Variants in STK31 observed in about 807,000 individuals in gnomAD.
STK31 encodes the protein serine/threonine-protein kinase 31.
In STK31, 89 loss-of-function variants were observed where a neutral mutation model predicts 129.7. That is an observed-to-expected ratio of 0.69 (90% CI 0.58 to 0.82). STK31 has a LOEUF of 0.82. STK31 is among the 40% of genes least tolerant of loss of function. The pLI is 0.00. For missense variants in STK31, 1,187 were observed against 1,176.4 expected (o/e 1.01, Z -0.13); for synonymous variants, 448 against 395.3 (o/e 1.13, Z -1.58).
At chr7:23,738,746 G>C (rs10252515) in intron 8 of STK31, among the ~76,000 whole-genome samples, 15,638 of 152,000 alleles carry the variant, frequency 0.1, 1,130 homozygotes, top group African/African-American at 0.2. Context: ...AGTAGAGACG[G>C]GGTTTCACCA....
rs763801418 is a variant in STK31 at position 23,752,884 on chromosome 7, A to G, written c.1133+52A>G. On this transcript the variant is annotated intron_variant, in intron 9 of 23. Coordinates refer to ENST00000355870, the MANE Select transcript of STK31 (RefSeq NM_031414.5). Reference sequence around the variant, plus strand: ...GATATTTTAAACTAATTTTTAATCAATTGGTGCTTTGTTTAAATTGTGTGC... The same window carrying G: ...GATATTTTAAACTAATTTTTAATCAGTTGGTGCTTTGTTTAAATTGTGTGC... The G allele has an allele frequency of 1.1e-5, 14 of 1,225,566 alleles. No homozygotes were observed. The African/African-American group carries it at 1.8e-4, about 16-fold the overall frequency. The allele number at this position is 1,225,566 out of a possible 1,614,324, so 75.9% of individuals were successfully genotyped here.
chr7:23,774,270 G>C (rs1372274233), intron 15 of STK31, among the ~76,000 whole-genome samples: 6 of 152,182 alleles, frequency 3.9e-5, no homozygotes, highest in Non-Finnish European at 8.8e-5. Flanking sequence ...ATAGTAGCAT[G>C]ATTTATAATC....
intron 23 of STK31, among the ~76,000 whole-genome samples, chr7:23,826,500 G>A (rs56999067): frequency 0.01 from 1,587 of 152,178 alleles, 33 homozygotes; most frequent in African/African-American, 0.035. Flanking sequence ...GTCTCTGCAC[G>A]TGAGATGGGT....
At chr7:23,759,769 A>G (rs1789342159) in intron 10 of STK31, among the ~76,000 whole-genome samples, 1 of 152,230 alleles carries the variant, frequency 6.6e-6, no homozygotes. Flanking sequence ...GTCAAACTGC[A>G]TCTGTACTGG....
At chr7:23,724,556 T>C (rs1786939731) in intron 4 of STK31, among the ~76,000 whole-genome samples, 1 of 152,234 alleles carries the variant, frequency 6.6e-6, no homozygotes, top group Non-Finnish European at 1.5e-5. Flanking sequence ...CAATAAACCA[T>C]TGCATATCTG....
At chr7:23,773,659 AC>A (rs539919649) in intron 15 of STK31, among the ~76,000 whole-genome samples, 107 of 151,930 alleles carry the variant, frequency 7.0e-4, no homozygotes, top group Non-Finnish European at 1.2e-3. Context: ...ACTCCCACCA[AC>A]AGTGTAAAAG....
chr7:23,766,174 T>C (rs536744664), intron 11 of STK31, among the ~76,000 whole-genome samples: 18 of 152,336 alleles, frequency 1.2e-4, no homozygotes, highest in African/African-American at 3.8e-4. Context: ...TACAAATAGT[T>C]GTTTAGCTGA....
intron 14 of STK31, 47 bp downstream of exon 14, chr7:23,771,171 A>T (rs1790167382): frequency 1.4e-6 from 2 of 1,478,898 alleles, no homozygotes; most frequent in Non-Finnish European, 1.8e-6. Flanking sequence ...GATGATTTGA[A>T]TTTTTCAGTA....
intron 3 of STK31, among the ~76,000 whole-genome samples, chr7:23,715,131 T>C (rs778492132): frequency 6.6e-6 from 1 of 152,168 alleles, no homozygotes; most frequent in Admixed American, 6.5e-5. Flanking sequence ...TGGTGGGATA[T>C]AGGCATAGAG....
At chr7:23,752,657 A>G (rs992143307) in intron 8 of STK31, 60 bp from the exon 9 acceptor site, 1 of 1,269,484 alleles carries the variant, frequency 7.9e-7, no homozygotes, top group Admixed American at 1.8e-5. Context: ...TATTTAAATT[A>G]TAGCAGAAAT....
chr7:23,767,898 T>C (rs1789931751), intron 11 of STK31, among the ~76,000 whole-genome samples: 1 of 152,234 alleles, frequency 6.6e-6, no homozygotes, highest in Non-Finnish European at 1.5e-5. Context: ...ATTAAAAACT[T>C]CTGAGATCTC....
At chr7:23,787,688 T>A (rs1791367174) in intron 20 of STK31, among the ~76,000 whole-genome samples, 1 of 151,450 alleles carries the variant, frequency 6.6e-6, no homozygotes, top group Non-Finnish European at 1.5e-5. Flanking sequence ...CCTGCATCCA[T>A]GGAAAAATTG....
At chr7:23,778,824 C>T (rs1321676006) in intron 15 of STK31, among the ~76,000 whole-genome samples, 2 of 152,058 alleles carry the variant, frequency 1.3e-5, no homozygotes, top group African/African-American at 2.4e-5. Flanking sequence ...CCTTCTGAAG[C>T]CTACTTCTGT....
intron 22 of STK31, among the ~76,000 whole-genome samples, chr7:23,808,600 G>A (rs941630425): frequency 2.6e-5 from 4 of 152,068 alleles, no homozygotes; most frequent in African/African-American, 9.7e-5. Flanking sequence ...GAGTCCCACT[G>A]ACAGTATCCC....
At chr7:23,830,707 C>T (rs555447775) in intron 23 of STK31, among the ~76,000 whole-genome samples, 1 of 151,414 alleles carries the variant, frequency 6.6e-6, no homozygotes, top group South Asian at 2.1e-4. Context: ...GCAACTTCTG[C>T]CTCATGGGTA....
intron 4 of STK31, among the ~76,000 whole-genome samples, chr7:23,719,643 T>C (rs745917685): frequency 6.6e-6 from 1 of 152,114 alleles, no homozygotes; most frequent in South Asian, 2.1e-4. Flanking sequence ...TAAGAATAAC[T>C]GTAGAAATAC....
At chr7:23,817,542 C>T (rs1486480675) in intron 23 of STK31, among the ~76,000 whole-genome samples, 1 of 152,194 alleles carries the variant, frequency 6.6e-6, no homozygotes, top group Admixed American at 6.5e-5. Context: ...AGTCAAGGCT[C>T]TGTAGTCAGC....
At chr7:23,740,217 C>T (rs1787974421) in intron 8 of STK31, among the ~76,000 whole-genome samples, 1 of 152,198 alleles carries the variant, frequency 6.6e-6, no homozygotes, top group Non-Finnish European at 1.5e-5. Context: ...GCTGGGACTA[C>T]AGGCGAGCCA....
chr7:23,726,861 G>A (rs1483112089), intron 4 of STK31, among the ~76,000 whole-genome samples: 3 of 152,074 alleles, frequency 2.0e-5, no homozygotes, highest in Non-Finnish European at 2.9e-5. Context: ...GCATGTACTT[G>A]CCATGTTTAT....
Sources: allele counts gnomAD v4.1 joint callset (sites outside exome capture counted in the v4.1 genomes callset), GRCh38; gene constraint gnomAD v4.1.1; transcripts MANE v1.5; gene names NCBI Gene and HGNC (gene_info 2026-07-23, HGNC 2026-07-21).